AGR2: variants seen among roughly 807,000 people sequenced by gnomAD.
The protein encoded by AGR2 is anterior gradient 2, protein disulphide isomerase family member.
AGR2 carries 27 observed loss-of-function variants against 25.9 expected under a neutral mutation model. The observed-to-expected ratio is 1.04, with a 90% CI of 0.77 to 1.44. The LOEUF is 1.44. AGR2 is among the 40% of genes most tolerant of loss of function. AGR2 has a pLI of 0.00. For synonymous variants in AGR2, 78 were observed against 72.0 expected (o/e 1.08, Z -0.42); for missense variants, 182 against 200.9 (o/e 0.91, Z 0.57).
chr7:16,804,544 G>A (rs750901421), intron 1 of AGR2, among the ~76,000 whole-genome samples: 3 of 152,120 alleles, frequency 2.0e-5, no homozygotes, highest in East Asian at 1.9e-4. Flanking sequence ...CGGGCAATCC[G>A]AGCTGAGGTG....
In AGR2 at chr7:16,801,818, C is replaced by T; in HGVS notation, c.-7-15G>A. On this transcript the variant is annotated splice_polypyrimidine_tract_variant and intron_variant, in intron 1 of 7. Coordinates refer to ENST00000419304, the MANE Select transcript of AGR2 (RefSeq NM_006408.4). ...CCATGGCAACTCTAGTATGGAAAAC[C>T]AACCAAAATCAGTAAACAAAATTGA... is the stretch of plus-strand genomic sequence containing the variant. 6.3e-7 allele frequency: 1 copy of T among 1,595,248 alleles called. No individual in the cohort carries two copies. Among genetic ancestry groups the T allele is most frequent in the Non-Finnish European group, 8.6e-7 (1 of 1,168,192 alleles).
intron 4 of AGR2, 116 bp downstream of exon 4, chr7:16,801,034 TA>T: frequency 1.4e-6 from 1 of 702,644 alleles, no homozygotes; most frequent in South Asian, 2.2e-5. Context: ...TTTTACTATA[TA>T]AAATATTCTT....
At chr7:16,798,027 C>A (rs757829510) in intron 5 of AGR2, among the ~76,000 whole-genome samples, 1 of 152,142 alleles carries the variant, frequency 6.6e-6, no homozygotes, top group African/African-American at 2.4e-5. Context: ...AGAGAAATTA[C>A]GGAGACAAGT....
chr7:16,796,275 C>T (rs1213288278), intron 6 of AGR2, among the ~76,000 whole-genome samples: 2 of 152,198 alleles, frequency 1.3e-5, no homozygotes, highest in African/African-American at 4.8e-5. Flanking sequence ...TGCCCTTCCA[C>T]AGGGATGCTG....
chr7:16,803,016 G>A (rs1785177056), intron 1 of AGR2: 1 of 152,064 alleles, frequency 6.6e-6, no homozygotes, highest in African/African-American at 2.4e-5. Flanking sequence ...GTATTTTTTA[G>A]TAGAGATGGA....
At chr7:16,794,529 C>T in intron 7 of AGR2, 1 of 326,084 alleles carries the variant, frequency 3.1e-6, no homozygotes, top group Non-Finnish European at 5.5e-6. Context: ...TAAACTGAAC[C>T]TGAATTTAAT....
chr7:16,797,326 G>A (rs1297067948), intron 6 of AGR2, among the ~76,000 whole-genome samples: 5 of 152,178 alleles, frequency 3.3e-5, no homozygotes, highest in South Asian at 4.1e-4. Context: ...CAGGCCTCTC[G>A]TATTCAGGAA....
At chr7:16,801,502 G>A (rs1189591131) in intron 2 of AGR2, 119 bp from the exon 3 acceptor site, 7 of 1,333,244 alleles carry the variant, frequency 5.3e-6, no homozygotes, top group Non-Finnish European at 7.5e-6. Context: ...AAAAACCCCT[G>A]GAGAAAGTAG....
intron 5 of AGR2, among the ~76,000 whole-genome samples, chr7:16,797,917 CA>C (rs1274602921): frequency 6.6e-6 from 1 of 151,764 alleles, no homozygotes; most frequent in Non-Finnish European, 1.5e-5. Flanking sequence ...TGATAAAGAG[CA>C]AAAAAATTAA....
Position 16,801,747 on chromosome 7 carries a change from T to C in AGR2, c.50A>G (p.Tyr17Cys). The change falls in exon 2 of 8, where the codon TAC becomes TGC. Residue 17 changes from tyrosine (Y) to cysteine (C), a missense_variant. Coordinates refer to ENST00000419304, the MANE Select transcript of AGR2 (RefSeq NM_006408.4). ...GACTGTGGTATCTCTGGCCAGAGTG[T>C]AGGAGAGGGCCACAAGGAGCAAGAA... ...SAFLLLVALS[Y>C]TLARDTTVKP... The C allele has an allele frequency of 6.2e-7, 1 of 1,613,560 alleles. No individual in the cohort carries two copies. Among genetic ancestry groups the C allele is most frequent in the Non-Finnish European group, 8.5e-7 (1 of 1,179,884 alleles).
chr7:16,804,766 C>T (rs552229239), intron 1 of AGR2, among the ~76,000 whole-genome samples, 169 bp downstream of exon 1: 56 of 149,292 alleles, frequency 3.8e-4, no homozygotes, highest in African/African-American at 1.4e-3. Flanking sequence ...AAGAAAGGCC[C>T]CAGTAAGACT....
chr7:16,796,819 T>C (rs1785052351), intron 6 of AGR2, among the ~76,000 whole-genome samples: 1 of 152,162 alleles, frequency 6.6e-6, no homozygotes, highest in Admixed American at 6.5e-5. Context: ...GGGGAGTTAA[T>C]GATGTGAAAT....
intron 4 of AGR2, among the ~76,000 whole-genome samples, chr7:16,800,518 G>T (rs1197578544): frequency 6.6e-6 from 1 of 152,208 alleles, no homozygotes. Context: ...ATTTAGTTCT[G>T]TGATAAGAAG....
intron 5 of AGR2, among the ~76,000 whole-genome samples, chr7:16,799,092 G>A (rs1194390539): frequency 6.6e-6 from 1 of 152,146 alleles, no homozygotes; most frequent in Admixed American, 6.5e-5. Flanking sequence ...ACATTAAGGA[G>A]TAGGAAGAGG....
intron 5 of AGR2, 153 bp downstream of exon 5, chr7:16,799,591 C>A: frequency 1.8e-6 from 1 of 546,280 alleles, no homozygotes; most frequent in Non-Finnish European, 3.2e-6. Context: ...ATTAATACAA[C>A]GAAATATCTT....
At chr7:16,794,741 G>C in intron 7 of AGR2, 195 bp downstream of exon 7, 1 of 1,378,128 alleles carries the variant, frequency 7.3e-7, no homozygotes, top group East Asian at 2.5e-5. Flanking sequence ...CTTCAATTGA[G>C]ATTAAAAACA....
chr7:16,802,228 T>C (rs927235206), intron 1 of AGR2, among the ~76,000 whole-genome samples: 6 of 152,206 alleles, frequency 3.9e-5, no homozygotes, highest in Admixed American at 6.5e-5. Context: ...TTAGCTCTTA[T>C]TAATCTCTTA....
chr7:16,796,835 G>T (rs540411834), intron 6 of AGR2, among the ~76,000 whole-genome samples: 1 of 152,294 alleles, frequency 6.6e-6, no homozygotes, highest in African/African-American at 2.4e-5. Context: ...GAAATTGGGG[G>T]ACAGAGAAGG....
Position 16,801,649 on chromosome 7 carries a change from G to A in AGR2, c.139+9C>T. 1.2e-6 allele frequency: 2 copies of A among 1,613,856 alleles called. No homozygotes were observed. Among genetic ancestry groups the A allele is most frequent in the Non-Finnish European group, 8.5e-7 (1 of 1,179,960 alleles). ...AGCAGTTGGAAGCCAACAAGAAGCT[G>A]ACTCCTACCTCTGGAGAGGGTCTGG... On this transcript the variant is annotated intron_variant, in intron 2 of 7. Coordinates refer to ENST00000419304, the MANE Select transcript of AGR2 (RefSeq NM_006408.4).
Sources: allele counts gnomAD v4.1 joint callset (sites outside exome capture counted in the v4.1 genomes callset), GRCh38; gene constraint gnomAD v4.1.1; transcripts MANE v1.5; gene names NCBI Gene and HGNC (gene_info 2026-07-23, HGNC 2026-07-21).